Variants in PCDHA8 observed in about 807,000 individuals in gnomAD.
PCDHA8 encodes protocadherin alpha 8.
In PCDHA8, 53 loss-of-function variants were observed where a neutral mutation model predicts 61.8. The ratio of observed to expected loss-of-function variants is 0.86; its 90% CI spans 0.69 to 1.08. The LOEUF (loss-of-function observed/expected upper bound fraction) is 1.08, where lower values mean the gene tolerates loss of function less well. Among genes scored for constraint, PCDHA8 ranks in the 50% least tolerant of loss-of-function variants. PCDHA8 has a pLI of 0.00. For synonymous variants in PCDHA8, 618 were observed against 556.6 expected, an observed-to-expected ratio of 1.11 and a Z score of -1.55; for missense variants, 1,293 against 1,245.0, an observed-to-expected ratio of 1.04 and a Z score of -0.58.
intron 3 of PCDHA8, among the ~76,000 whole-genome samples, chr5:140,995,268 C>G (rs2097673323): frequency 6.6e-6 from 1 of 152,110 alleles, no homozygotes; most frequent in Non-Finnish European, 1.5e-5. Flanking sequence ...AATACAAGCC[C>G]TTTGATACCA....
At chr5:140,853,596 A>G (rs2042799204) in intron 1 of PCDHA8, 1 of 986,974 alleles carries the variant, frequency 1.0e-6, no homozygotes, top group Non-Finnish European at 1.2e-6. Flanking sequence ...ACACTTTGAG[A>G]GCAAAGGGGG....
chr5:140,869,663 A>G (rs782419090), intron 1 of PCDHA8: 5 of 1,613,538 alleles, frequency 3.1e-6, no homozygotes, highest in Non-Finnish European at 4.2e-6. Flanking sequence ...ACAAATGGTA[A>G]GCAGATTAAA....
At chr5:140,869,548 G>T in intron 1 of PCDHA8, 1 of 1,614,202 alleles carries the variant, frequency 6.2e-7, no homozygotes, top group Non-Finnish European at 8.5e-7. Flanking sequence ...TAAGCAATCG[G>T]ACTCGCGTTT....
rs371830340 is a variant in PCDHA8 at position 140,947,864 on chromosome 5, C to G, written c.2395-31085C>G. Reference sequence around the variant, plus strand: ...TTTATTTATTTTGTCATTATAATGGCTAGGACTTCCAGGACAATATAAACA... The same window carrying G: ...TTTATTTATTTTGTCATTATAATGGGTAGGACTTCCAGGACAATATAAACA... On this transcript the variant is annotated intron_variant, in intron 1 of 3. Coordinates refer to ENST00000531613, the MANE Select transcript of PCDHA8 (RefSeq NM_018911.3). Among the ~76,000 whole-genome samples the G allele has an allele frequency of 1.4e-4, 21 of 151,554 alleles. No homozygotes were observed. The East Asian group carries it at 2.3e-3, about 17-fold the overall frequency.
chr5:140,923,551 T>C (rs1398661049), intron 1 of PCDHA8, among the ~76,000 whole-genome samples: 1 of 152,146 alleles, frequency 6.6e-6, no homozygotes, highest in Non-Finnish European at 1.5e-5. Flanking sequence ...AAATGAAATA[T>C]CAGCAATGAA....
intron 1 of PCDHA8, chr5:140,852,586 T>TA (rs1469930347): frequency 1.0e-5 from 9 of 878,452 alleles, no homozygotes; most frequent in Non-Finnish European, 1.1e-5. Flanking sequence ...TTTTTTATTT[T>TA]TTTTTTTTGT....
At chr5:140,884,075 T>C (rs2059980601) in intron 1 of PCDHA8, 1 of 1,613,342 alleles carries the variant, frequency 6.2e-7, no homozygotes, top group South Asian at 1.1e-5. Context: ...CGATTCGGGC[T>C]ACAATGCGTG....
chr5:140,869,613 C>T (rs369176341), intron 1 of PCDHA8: 402 of 1,613,826 alleles, frequency 2.5e-4, no homozygotes, highest in Non-Finnish European at 3.3e-4. Context: ...TATTGACCTA[C>T]AGGCTAAGTA....
intron 1 of PCDHA8, chr5:140,875,795 T>C (rs782073142): frequency 1.2e-6 from 2 of 1,613,786 alleles, no homozygotes. Context: ...CACCTGGAGG[T>C]GATCGTGGAC....
At position 140,928,265 on chromosome 5, in the gene PCDHA8, A is replaced by G. The variant is rs1208273188; in HGVS notation, c.2395-50684A>G. ...CAGGAACTTTTCGTTGCTGAAAACA[A>G]TGGCCCTGGGGCCTCTCTAGGCCGA... On this transcript the variant is annotated intron_variant, in intron 1 of 3. Coordinates refer to ENST00000531613, the MANE Select transcript of PCDHA8 (RefSeq NM_018911.3). The G allele has an allele frequency of 3.1e-6, 5 of 1,614,188 alleles. No individual in the cohort carries two copies. In the South Asian group the frequency reaches 3.3e-5, roughly 11 times the overall value.
At chr5:140,926,190 ACTT>A (rs1468050055) in intron 1 of PCDHA8, among the ~76,000 whole-genome samples, 2 of 151,766 alleles carry the variant, frequency 1.3e-5, no homozygotes, top group South Asian at 2.2e-4. Flanking sequence ...CCCCCGCAGC[ACTT>A]CTTTCGGGGG....
intron 1 of PCDHA8, chr5:140,851,223 A>G (rs1230955113): frequency 8.7e-7 from 1 of 1,147,336 alleles, no homozygotes; most frequent in Non-Finnish European, 1.1e-6. Flanking sequence ...TAACATCACT[A>G]TCATTTATTT....
chr5:140,856,315 T>A (rs782568790), intron 1 of PCDHA8: 4 of 1,598,576 alleles, frequency 2.5e-6, no homozygotes, highest in Non-Finnish European at 3.4e-6. Context: ...ATTCTCGGAT[T>A]GACCGCGAGG....
At chr5:140,903,927 G>A (rs1202330297) in intron 1 of PCDHA8, among the ~76,000 whole-genome samples, 1 of 152,158 alleles carries the variant, frequency 6.6e-6, no homozygotes, top group Non-Finnish European at 1.5e-5. Context: ...TGCTGCATTG[G>A]ATAATACCTC....
chr5:140,871,140 C>A, intron 1 of PCDHA8: 1 of 1,613,454 alleles, frequency 6.2e-7, no homozygotes, highest in Non-Finnish European at 8.5e-7. Context: ...AGGCCTCTTC[C>A]CGGACTTTGG....
intron 1 of PCDHA8, chr5:140,849,770 T>A (rs1407416435): frequency 6.3e-7 from 1 of 1,598,458 alleles, no homozygotes; most frequent in East Asian, 2.2e-5. Flanking sequence ...AGCTGGTGGT[T>A]ACCGCGCGGG....
intron 1 of PCDHA8, among the ~76,000 whole-genome samples, chr5:140,906,351 C>A (rs966982758): frequency 3.9e-5 from 6 of 152,128 alleles, no homozygotes; most frequent in Non-Finnish European, 5.9e-5. Context: ...CAAGAATGCA[C>A]CAATTCCCAA....
chr5:140,953,670 T>C (rs2094923970), intron 1 of PCDHA8, among the ~76,000 whole-genome samples: 1 of 152,212 alleles, frequency 6.6e-6, no homozygotes, highest in Non-Finnish European at 1.5e-5. Flanking sequence ...TGGAAGGGTC[T>C]GTTTATTATG....
chr5:140,876,063 G>T (rs1404065760), intron 1 of PCDHA8: 1 of 1,613,860 alleles, frequency 6.2e-7, no homozygotes, highest in East Asian at 2.2e-5. Flanking sequence ...TAGTTCTTCG[G>T]AAGTTATTGG....
Sources: gnomAD v4.1 joint callset for allele counts (sites outside exome capture counted in the v4.1 genomes callset) on GRCh38, gnomAD v4.1.1 for gene constraint, MANE v1.5 for transcripts, NCBI Gene and HGNC (gene_info 2026-07-23, HGNC 2026-07-21) for gene names.